The following ENTREP2 variants were observed in gnomAD, a reference collection of about 807,000 sequenced individuals.
The protein encoded by ENTREP2 is endosomal transmembrane epsin interactor 2.
the ENTREP2 span, among the ~76,000 whole-genome samples, chr15:29,343,808 A>G: frequency 6.6e-6 from 1 of 152,172 alleles, no homozygotes; most frequent in African/African-American, 2.4e-5. Flanking sequence ...CTCAAAACAG[A>G]AAGTAAAATT....
At chr15:29,422,524 T>C in the ENTREP2 span, among the ~76,000 whole-genome samples, 1 of 152,166 alleles carries the variant, frequency 6.6e-6, no homozygotes. Flanking sequence ...AGTCAGCAAG[T>C]TTGCGTGTTA....
the ENTREP2 span, among the ~76,000 whole-genome samples, chr15:29,551,333 C>T: frequency 2.0e-5 from 3 of 152,108 alleles, no homozygotes; most frequent in Non-Finnish European, 2.9e-5. Flanking sequence ...CCATGCTGAG[C>T]GATGGTCACA....
the ENTREP2 span, among the ~76,000 whole-genome samples, chr15:29,196,886 C>T: frequency 3.9e-4 from 60 of 152,320 alleles, no homozygotes; most frequent in African/African-American, 1.4e-3. Context: ...GATGTATGCA[C>T]GGAGATGTGC....
At chr15:29,413,050 T>G in the ENTREP2 span, among the ~76,000 whole-genome samples, 1 of 152,262 alleles carries the variant, frequency 6.6e-6, no homozygotes, top group African/African-American at 2.4e-5. Context: ...AAATCTTTTT[T>G]TAATTTCCAA....
chr15:29,633,881 C>T, the ENTREP2 span, among the ~76,000 whole-genome samples: 44 of 152,264 alleles, frequency 2.9e-4, no homozygotes, highest in Non-Finnish European at 5.6e-4. Flanking sequence ...ATCGCTTGAA[C>T]CCGGGAGGCG....
At chr15:29,195,767 C>T in the ENTREP2 span, among the ~76,000 whole-genome samples, 4 of 152,220 alleles carry the variant, frequency 2.6e-5, no homozygotes, top group Admixed American at 6.5e-5. Flanking sequence ...TCAAGTGGTC[C>T]GGCTGCCTCA....
At chr15:29,551,194 C>T in the ENTREP2 span, among the ~76,000 whole-genome samples, 2 of 152,154 alleles carry the variant, frequency 1.3e-5, no homozygotes, top group Non-Finnish European at 2.9e-5. Flanking sequence ...TCCAATCCTC[C>T]CTGCAGCTAG....
At chr15:29,631,148 C>T in the ENTREP2 span, among the ~76,000 whole-genome samples, 3 of 152,092 alleles carry the variant, frequency 2.0e-5, no homozygotes, top group Non-Finnish European at 4.4e-5. Flanking sequence ...TTTGCTGAGA[C>T]TTTCTATGTT....
At chr15:29,271,825 C>A in the ENTREP2 span, among the ~76,000 whole-genome samples, 7 of 152,226 alleles carry the variant, frequency 4.6e-5, no homozygotes, top group African/African-American at 1.7e-4. Context: ...TTGTGCAACT[C>A]GGTGTCTGAG....
the ENTREP2 span, among the ~76,000 whole-genome samples, chr15:29,329,192 C>G: frequency 1.3e-5 from 2 of 151,572 alleles, no homozygotes; most frequent in Admixed American, 6.6e-5. Flanking sequence ...GAAACCCCGT[C>G]TCTACTAAAA....
At chr15:29,260,052 A>C in the ENTREP2 span, among the ~76,000 whole-genome samples, 1 of 152,176 alleles carries the variant, frequency 6.6e-6, no homozygotes, top group East Asian at 1.9e-4. Context: ...GAAATTCTCA[A>C]TATCTGTATA....
the ENTREP2 span, among the ~76,000 whole-genome samples, chr15:29,406,455 A>T: frequency 6.6e-6 from 1 of 152,110 alleles, no homozygotes; most frequent in Middle Eastern, 3.2e-3. Flanking sequence ...GGCTGAGGTA[A>T]GAGAATCACT....
the ENTREP2 span, among the ~76,000 whole-genome samples, chr15:29,160,023 G>C: frequency 1.3e-5 from 2 of 152,232 alleles, no homozygotes; most frequent in Non-Finnish European, 2.9e-5. Context: ...ACGGAGACGG[G>C]GGAGGCTCAG....
At chr15:29,669,873 G>A in the ENTREP2 span, among the ~76,000 whole-genome samples, 2 of 152,122 alleles carry the variant, frequency 1.3e-5, no homozygotes, top group African/African-American at 2.4e-5. Context: ...TTAGCTGTAC[G>A]TGGCAGTGGC....
the ENTREP2 span, among the ~76,000 whole-genome samples, chr15:29,674,320 A>G: frequency 6.6e-6 from 1 of 151,954 alleles, no homozygotes; most frequent in Non-Finnish European, 1.5e-5. Context: ...CCCAGGCTGG[A>G]GTGCAGTGGC....
At chr15:29,482,912 G>A in the ENTREP2 span, among the ~76,000 whole-genome samples, 2 of 152,198 alleles carry the variant, frequency 1.3e-5, no homozygotes, top group African/African-American at 4.8e-5. Flanking sequence ...GTAAGAAGCT[G>A]CTCAACTGCC....
chr15:29,271,654 G>T, the ENTREP2 span, among the ~76,000 whole-genome samples: 1 of 151,936 alleles, frequency 6.6e-6, no homozygotes, highest in African/African-American at 2.4e-5. Flanking sequence ...GGTGCATGTA[G>T]CCCCTGTCAC....
chr15:29,283,441 T>C, the ENTREP2 span, among the ~76,000 whole-genome samples: 1 of 152,200 alleles, frequency 6.6e-6, no homozygotes, highest in Non-Finnish European at 1.5e-5. Context: ...CTTGAACTTC[T>C]GGGCTCAAGT....
At chr15:29,568,410 G>T in the ENTREP2 span, among the ~76,000 whole-genome samples, 1 of 152,292 alleles carries the variant, frequency 6.6e-6, no homozygotes, top group South Asian at 2.1e-4. Flanking sequence ...ACAGGTTATA[G>T]GTCGGGCACA....
Sources: gnomAD v4.1 joint callset for allele counts (sites outside exome capture counted in the v4.1 genomes callset) on GRCh38, gnomAD v4.1.1 for gene constraint, MANE v1.5 for transcripts, NCBI Gene and HGNC (gene_info 2026-07-23, HGNC 2026-07-21) for gene names.